PPP1R2: variants seen among roughly 807,000 people sequenced by gnomAD.
PPP1R2 encodes protein phosphatase 1 regulatory inhibitor subunit 2, also known as protein phosphatase inhibitor 2.
Under a neutral mutation model 29.9 loss-of-function variants are expected in PPP1R2, and 16 were observed. The observed-to-expected ratio is 0.53, with a 90% CI of 0.36 to 0.81. The LOEUF is 0.81. Ranked by LOEUF, PPP1R2 falls within the 30% of genes least tolerant of loss-of-function variation. The probability of loss-of-function intolerance (pLI) is 0.00; values close to 1 mark genes in which losing one functional copy is unlikely to be tolerated. For synonymous variants in PPP1R2, 76 were observed against 91.5 expected (o/e 0.83, Z 0.96); for missense variants, 197 against 252.7 (o/e 0.78, Z 1.49).
intron 1 of PPP1R2, among the ~76,000 whole-genome samples, chr3:195,542,541 T>C (rs1411012969): frequency 6.6e-6 from 1 of 151,996 alleles, no homozygotes; most frequent in African/African-American, 2.4e-5. Flanking sequence ...AGCAAGAAAA[T>C]ACACTGTAAT....
At chr3:195,542,204 A>T (rs952661319) in intron 1 of PPP1R2, among the ~76,000 whole-genome samples, 5 of 152,178 alleles carry the variant, frequency 3.3e-5, no homozygotes, top group African/African-American at 1.2e-4. Context: ...ACCGTAATTA[A>T]TATTTCACCA....
intron 1 of PPP1R2, among the ~76,000 whole-genome samples, chr3:195,541,590 C>A (rs1719602117): frequency 1.3e-5 from 2 of 151,712 alleles, no homozygotes; most frequent in South Asian, 4.2e-4. Context: ...AGCCACCACG[C>A]CTGGATGTTA....
rs545130941 is a variant in PPP1R2, at chr3:195,524,696, T to C, written c.308+123A>G. 1.3e-4 allele frequency: 109 copies of C among 869,210 alleles called. No individual in the cohort carries two copies. In the South Asian group the frequency reaches 1.8e-3, roughly 14 times the overall value. 53.8% of individuals were successfully genotyped at this position (869,210 alleles called of 1,614,324 possible). ...GGAAAAAAGGAAAAAAAAGTCGGCA[T>C]AAAACATGTTGATCAACAGCCTTTT... On this transcript the variant is annotated intron_variant, in intron 3 of 5. Coordinates refer to ENST00000618156, the MANE Select transcript of PPP1R2 (RefSeq NM_006241.8).
At chr3:195,541,191 C>A (rs1228213750) in intron 1 of PPP1R2, among the ~76,000 whole-genome samples, 1 of 152,102 alleles carries the variant, frequency 6.6e-6, no homozygotes, top group African/African-American at 2.4e-5. Flanking sequence ...AAATCCCAAC[C>A]AATTACAGAA....
chr3:195,535,883 G>T (rs1237091201), intron 1 of PPP1R2, among the ~76,000 whole-genome samples: 1 of 152,114 alleles, frequency 6.6e-6, no homozygotes, highest in Admixed American at 6.5e-5. Context: ...ATGTATTTTT[G>T]TAAAGTTACA....
At chr3:195,526,051 C>A (rs1718959377) in intron 2 of PPP1R2, among the ~76,000 whole-genome samples, 2 of 151,620 alleles carry the variant, frequency 1.3e-5, no homozygotes, top group Admixed American at 1.3e-4. Flanking sequence ...CTGTGAGATT[C>A]TTAGATAATA....
intron 1 of PPP1R2, among the ~76,000 whole-genome samples, chr3:195,531,977 C>T (rs961747674): frequency 1.3e-5 from 2 of 152,138 alleles, no homozygotes; most frequent in Non-Finnish European, 2.9e-5. Context: ...TTGTGACTGG[C>T]GTATCTCACT....
rs144823244 is a variant in PPP1R2 at position 195,533,123 on chromosome 3, G to C, written c.123-3222C>G. On this transcript the variant is annotated intron_variant, in intron 1 of 5. Coordinates refer to ENST00000618156, the MANE Select transcript of PPP1R2 (RefSeq NM_006241.8). ...GCACTTTGGGAGGCTGAGGCAGGTG[G>C]ATCACTTGAGGTTAGGCGCTCGAGA... 6.1e-3 allele frequency among the ~76,000 whole-genome samples: 934 copies of C among 152,194 alleles called. 9 individuals carry two copies. The highest frequency in any genetic ancestry group is 0.02 in the African/African-American group (829 of 41,508).
intron 1 of PPP1R2, among the ~76,000 whole-genome samples, chr3:195,536,049 G>A (rs1009134707): frequency 6.6e-6 from 1 of 152,030 alleles, no homozygotes; most frequent in African/African-American, 2.4e-5. Context: ...CTTTTCTCTA[G>A]CTTACTGTAT....
rs181288431 is a variant in PPP1R2 at position 195,530,373 on chromosome 3, G to A, written c.123-472C>T. Among the ~76,000 whole-genome samples the A allele has an allele frequency of 8.5e-5, 13 of 152,268 alleles. No individual in the cohort carries two copies. In the East Asian group the frequency reaches 2.5e-3, roughly 29 times the overall value. On this transcript the variant is annotated intron_variant, in intron 1 of 5. Coordinates refer to ENST00000618156, the MANE Select transcript of PPP1R2 (RefSeq NM_006241.8). ...AAGATTCAAACAATAAAACTATAGA[G>A]AAAACCTCATCAAACTCAGACACCA... is the stretch of plus-strand genomic sequence containing the variant.
intron 1 of PPP1R2, 44 bp downstream of exon 1, chr3:195,542,860 C>T: frequency 1.9e-6 from 3 of 1,569,448 alleles, no homozygotes; most frequent in East Asian, 2.4e-5. Flanking sequence ...GTAACGGGCC[C>T]GGCGGGAAGG....
intron 1 of PPP1R2, among the ~76,000 whole-genome samples, chr3:195,536,640 T>A (rs1201396194): frequency 1.3e-5 from 2 of 151,872 alleles, no homozygotes; most frequent in African/African-American, 2.4e-5. Context: ...ATACAAAAAT[T>A]AGCCATGCTT....
intron 1 of PPP1R2, among the ~76,000 whole-genome samples, chr3:195,531,468 T>C (rs1719175992): frequency 6.6e-6 from 1 of 152,230 alleles, no homozygotes; most frequent in Non-Finnish European, 1.5e-5. Flanking sequence ...TAATAACATA[T>C]TCCCTTTTCC....
At chr3:195,517,405 T>G (rs539524103) in intron 5 of PPP1R2, among the ~76,000 whole-genome samples, 1 of 152,208 alleles carries the variant, frequency 6.6e-6, no homozygotes, top group South Asian at 2.1e-4. Context: ...GAAAAGCTGG[T>G]AAAATGTTAA....
chr3:195,524,044 C>T (rs1180695609), intron 3 of PPP1R2, among the ~76,000 whole-genome samples: 2 of 151,144 alleles, frequency 1.3e-5, no homozygotes, highest in Non-Finnish European at 2.9e-5. Context: ...GCTTTGATTG[C>T]GCCTCTGCAC....
chr3:195,515,281 A>C lies in PPP1R2; in HGVS notation c.*1615T>G, dbSNP rs953611945. 9 of 153,202 alleles carry C rather than the reference A, an allele frequency of 5.9e-5. No homozygotes were observed. The highest frequency in any genetic ancestry group is 2.2e-4 in the African/African-American group (9 of 41,468). 9.5% of individuals were successfully genotyped at this position (153,202 alleles called of 1,614,324 possible). ...TTTGATTATATATCTCATTCAAAAA[A>C]TCAAAATAATGGCCACATTCTTCTA... On this transcript the variant is annotated 3_prime_UTR_variant, in exon 6 of 6. Coordinates refer to ENST00000618156, the MANE Select transcript of PPP1R2 (RefSeq NM_006241.8).
At chr3:195,536,343 C>T (rs1263193907) in intron 1 of PPP1R2, among the ~76,000 whole-genome samples, 1 of 150,970 alleles carries the variant, frequency 6.6e-6, no homozygotes, top group East Asian at 1.9e-4. Flanking sequence ...GTGTGAGACA[C>T]CGCACCCAGC....
intron 4 of PPP1R2, chr3:195,523,276 CA>C (rs1718835429): frequency 5.1e-6 from 1 of 195,878 alleles, no homozygotes; most frequent in Non-Finnish European, 1.1e-5. Flanking sequence ...TGCATCTGAT[CA>C]TCTTGGTTCA....
chr3:195,530,917 G>T (rs1163375494), intron 1 of PPP1R2, among the ~76,000 whole-genome samples: 1 of 151,374 alleles, frequency 6.6e-6, no homozygotes, highest in African/African-American at 2.4e-5. Flanking sequence ...CTGCCTCCTG[G>T]GTTCAAGCGA....
Sources: allele counts gnomAD v4.1 joint callset (sites outside exome capture counted in the v4.1 genomes callset), GRCh38; gene constraint gnomAD v4.1.1; transcripts MANE v1.5; gene names NCBI Gene and HGNC (gene_info 2026-07-23, HGNC 2026-07-21).